EML6: variants seen among roughly 807,000 people sequenced by gnomAD.
The protein encoded by EML6 is EMAP like 6, also known as echinoderm microtubule-associated protein-like 6.
A neutral mutation model predicts 240.1 loss-of-function variants in EML6; 154 were observed. That is an observed-to-expected ratio of 0.64 (90% CI 0.56 to 0.73). The LOEUF is 0.73. Among genes scored for constraint, EML6 ranks in the 30% least tolerant of loss-of-function variants. The pLI, the probability that EML6 is intolerant of heterozygous loss-of-function variation, is 0.00. For missense variants in EML6, 2,964 were observed against 2,474.6 expected (o/e 1.20, Z -4.20); for synonymous variants, 1,148 against 899.0 (o/e 1.28, Z -4.95).
intron 35 of EML6, among the ~76,000 whole-genome samples, chr2:54,961,191 T>TTTTTGTTTG (rs1676491382): frequency 9.0e-6 from 1 of 111,674 alleles, no homozygotes; most frequent in Admixed American, 9.6e-5. Flanking sequence ...GTAGTTTTTT[T>TTTTTGTTTG]TTTTTTTTTT....
At chr2:54,797,738 A>T (rs1264212968) in intron 2 of EML6, among the ~76,000 whole-genome samples, 1 of 152,126 alleles carries the variant, frequency 6.6e-6, no homozygotes, top group African/African-American at 2.4e-5. Flanking sequence ...GGTTATAAGC[A>T]CCAGCTTTAG....
rs1467520321 is a variant in EML6 at position 54,879,625 on chromosome 2, A to T, written c.2423A>T (p.Lys808Met). Residue 808 changes from lysine (K) to methionine (M), a missense_variant, in exon 17 of 42, where the codon AAG becomes ATG. Physicochemically the swap from Lys to Met is moderately conservative, Grantham distance 95 (BLOSUM62 -1). Transcript: ENST00000356458. ...IVFWDWKKGE[K>M]IATTRGHKDK... ...TTTTGGGACTGGAAAAAGGGAGAAA[A>T]GATAGCCACAACAAGGTAAGAAGCT... The T allele has an allele frequency of 1.2e-5, 19 of 1,549,878 alleles. No homozygotes were observed. The highest frequency in any genetic ancestry group is 1.7e-5 in the Non-Finnish European group (19 of 1,144,928).
chr2:54,913,470 C>T (rs1282982163), intron 25 of EML6, among the ~76,000 whole-genome samples: 2 of 152,062 alleles, frequency 1.3e-5, no homozygotes, highest in African/African-American at 4.8e-5. Flanking sequence ...TCAGGCTGGT[C>T]TCCAACTCCT....
At chr2:54,825,322 T>A (rs149157646) in intron 5 of EML6, among the ~76,000 whole-genome samples, 32 of 152,340 alleles carry the variant, frequency 2.1e-4, no homozygotes, top group African/African-American at 7.2e-4. Flanking sequence ...TTCAGGTTCA[T>A]AGTAACAGCT....
At chr2:54,939,094 C>T (rs1008207912) in intron 28 of EML6, among the ~76,000 whole-genome samples, 1 of 152,234 alleles carries the variant, frequency 6.6e-6, no homozygotes, top group Non-Finnish European at 1.5e-5. Context: ...GATTCCTTAA[C>T]AACAAGATTT....
intron 26 of EML6, among the ~76,000 whole-genome samples, chr2:54,925,925 T>G (rs72910803): frequency 0.021 from 3,175 of 152,260 alleles, 96 homozygotes; most frequent in African/African-American, 0.068. Context: ...GTCCTTAAGT[T>G]TCCTCCTCAG....
chr2:54,816,942 ATC>A, intron 4 of EML6, 57 bp downstream of exon 4: 3 of 1,046,068 alleles, frequency 2.9e-6, no homozygotes, highest in Non-Finnish European at 4.4e-6. Context: ...GACTTGTGAT[ATC>A]GCGTCTCAGA....
rs559835769 is a variant in EML6 at position 54,884,416 on chromosome 2, A to G, written c.2438+4776A>G. On this transcript the variant is annotated intron_variant, in intron 17 of 41. Coordinates refer to ENST00000356458, the MANE Select transcript of EML6 (RefSeq NM_001039753.4). ...TTACATAGGCATGATTGGTTTACCA[A>G]CTGGCGATGGGTGAGCAACTTATCT... 5.6e-4 allele frequency among the ~76,000 whole-genome samples: 86 copies of G among 152,214 alleles called. 1 individual carries two copies. The highest frequency in any genetic ancestry group is 1.9e-3 in the African/African-American group (80 of 41,530).
intron 2 of EML6, among the ~76,000 whole-genome samples, chr2:54,728,371 C>G (rs1359812276): frequency 6.6e-6 from 1 of 152,206 alleles, no homozygotes; most frequent in Non-Finnish European, 1.5e-5. Context: ...AGACATTTAT[C>G]TCCTCACTCT....
chr2:54,878,066 G>C (rs1671602287), intron 16 of EML6, among the ~76,000 whole-genome samples: 1 of 152,166 alleles, frequency 6.6e-6, no homozygotes, highest in African/African-American at 2.4e-5. Context: ...AATAATTTTT[G>C]TCATAAGTGT....
intron 31 of EML6, among the ~76,000 whole-genome samples, chr2:54,953,334 G>T (rs908011613): frequency 6.6e-6 from 1 of 152,172 alleles, no homozygotes; most frequent in Non-Finnish European, 1.5e-5. Context: ...TGTTCCATCC[G>T]TGAGTAGTTT....
At chr2:54,769,539 T>C (rs1668324479) in intron 2 of EML6, among the ~76,000 whole-genome samples, 1 of 149,790 alleles carries the variant, frequency 6.7e-6, no homozygotes, top group Non-Finnish European at 1.5e-5. Context: ...CTCACTCTCC[T>C]ACGGCAGCCA....
intron 19 of EML6, 147 bp downstream of exon 19, chr2:54,892,803 T>C (rs941327603): frequency 3.2e-6 from 2 of 617,788 alleles, no homozygotes; most frequent in South Asian, 4.7e-5. Flanking sequence ...CAAGAGACAA[T>C]AGGGAGGAAA....
intron 28 of EML6, among the ~76,000 whole-genome samples, chr2:54,940,678 G>A (rs1469984501): frequency 6.6e-6 from 1 of 152,220 alleles, no homozygotes; most frequent in Non-Finnish European, 1.5e-5. Flanking sequence ...TTCTTGGTCA[G>A]CGACCACTTT....
In EML6 at chr2:54,952,635, T is replaced by C; in HGVS notation, c.4255T>C (p.Cys1419Arg). ...TCTGGAGCACACAGATGACATCCTC[T>C]GTCTCACAGTGAACCAGCACCCCAA... The part of the protein sequence containing the change: ...FYLEHTDDIL[C>R]LTVNQHPKYR... The change falls in exon 31 of 42, where the codon TGT (cysteine) becomes CGT (arginine). Residue 1419 changes from cysteine to arginine, a missense_variant. By Grantham distance (180) the Cys-to-Arg change is radical. Transcript: ENST00000356458. 6.4e-7 allele frequency: 1 copy of C among 1,551,476 alleles called. No individual in the cohort carries two copies.
chr2:54,814,712 A>G (rs943805329), intron 3 of EML6, among the ~76,000 whole-genome samples: 1 of 152,214 alleles, frequency 6.6e-6, no homozygotes, highest in African/African-American at 2.4e-5. Flanking sequence ...ACCTGGGTTG[A>G]GTCACTTTTG....
intron 2 of EML6, among the ~76,000 whole-genome samples, chr2:54,808,055 G>C (rs1670590754): frequency 6.6e-6 from 1 of 152,218 alleles, no homozygotes; most frequent in Non-Finnish European, 1.5e-5. Flanking sequence ...CTTAACTATG[G>C]ATTATACGGG....
chr2:54,871,664 G>C, intron 16 of EML6, 59 bp downstream of exon 16: 1 of 1,260,292 alleles, frequency 7.9e-7, no homozygotes, highest in East Asian at 2.5e-5. Context: ...GACACAGAGA[G>C]AGTATGCCCC....
intron 26 of EML6, among the ~76,000 whole-genome samples, chr2:54,926,344 T>C (rs1293922498): frequency 1.3e-5 from 2 of 152,228 alleles, no homozygotes; most frequent in Non-Finnish European, 1.5e-5. Flanking sequence ...TCAAGTGATC[T>C]GCCCGCCTTG....
Sources: allele counts gnomAD v4.1 joint callset (sites outside exome capture counted in the v4.1 genomes callset), GRCh38; gene constraint gnomAD v4.1.1; transcripts MANE v1.5; gene names NCBI Gene and HGNC (gene_info 2026-07-23, HGNC 2026-07-21).